The following DLG2 variants were observed in gnomAD, a reference collection of about 807,000 sequenced individuals.
DLG2 encodes discs large MAGUK scaffold protein 2.
Under a neutral mutation model 132.5 loss-of-function variants are expected in DLG2, and 45 were observed. That is an observed-to-expected ratio of 0.34 (90% CI 0.27 to 0.44). DLG2 has a LOEUF of 0.44. Among genes scored for constraint, DLG2 ranks in the 20% least tolerant of loss-of-function variants. DLG2 has a pLI of 1.00. For synonymous variants in DLG2, 424 were observed against 419.6 expected (o/e 1.01, Z -0.13); for missense variants, 1,045 against 1,196.9 (o/e 0.87, Z 1.87).
At chr11:85,224,719 T>G (rs1287218961) in intron 4 of DLG2, among the ~76,000 whole-genome samples, 1 of 152,186 alleles carries the variant, frequency 6.6e-6, no homozygotes, top group Non-Finnish European at 1.5e-5. Context: ...ATTTCTTTTA[T>G]GATTAGGAAA....
At chr11:83,722,791 C>G (rs186492088) in intron 18 of DLG2, among the ~76,000 whole-genome samples, 1 of 152,230 alleles carries the variant, frequency 6.6e-6, no homozygotes, top group East Asian at 1.9e-4. Context: ...GTCCCCAGAG[C>G]CACAGAAATG....
rs572966892 is a variant in DLG2, at chr11:83,708,203, A to G, written c.1826-74878T>C. On this transcript the variant is annotated intron_variant, in intron 18 of 27. Coordinates refer to ENST00000376104, the MANE Select transcript of DLG2 (RefSeq NM_001142699.3). ...GAAGTTCCTAAACTAGATCTGAAACATTTAGAATGTTCACAGTGGCACATA... is the reference window on the plus strand; with the variant it reads ...GAAGTTCCTAAACTAGATCTGAAACGTTTAGAATGTTCACAGTGGCACATA... Among the ~76,000 whole-genome samples, 109 of 152,340 alleles carry G rather than the reference A, an allele frequency of 7.2e-4. 1 individual carries two copies. Among genetic ancestry groups the G allele is most frequent in the African/African-American group, 2.5e-3 (103 of 41,592 alleles).
At chr11:85,072,802 G>A (rs984266470) in intron 6 of DLG2, among the ~76,000 whole-genome samples, 2 of 151,716 alleles carry the variant, frequency 1.3e-5, no homozygotes, top group Non-Finnish European at 2.9e-5. Flanking sequence ...GCAACATATC[G>A]GTAAATGCCA....
intron 11 of DLG2, among the ~76,000 whole-genome samples, chr11:84,006,352 G>A (rs1183109185): frequency 6.6e-6 from 1 of 151,540 alleles, no homozygotes; most frequent in African/African-American, 2.4e-5. Flanking sequence ...TAGATGAAAC[G>A]TATAAGTTCT....
intron 22 of DLG2, among the ~76,000 whole-genome samples, chr11:83,476,852 T>C (rs192976542): frequency 4.5e-4 from 68 of 152,226 alleles, no homozygotes; most frequent in Non-Finnish European, 8.5e-4. Context: ...ATAAATAGTT[T>C]TGTTGCAGAA....
chr11:84,906,415 G>C (rs56925179), intron 6 of DLG2, among the ~76,000 whole-genome samples: 8,895 of 143,902 alleles, frequency 0.062, 281 homozygotes, highest in South Asian at 0.087. Context: ...CACACACACA[G>C]AGAGCCAAGG....
chr11:84,971,998 C>A (rs2054162168), intron 6 of DLG2, among the ~76,000 whole-genome samples: 1 of 152,020 alleles, frequency 6.6e-6, no homozygotes, highest in South Asian at 2.1e-4. Flanking sequence ...AAAAATAAAC[C>A]TATGTTTAAG....
At chr11:84,385,051 G>T (rs190751658) in intron 7 of DLG2, among the ~76,000 whole-genome samples, 88 of 152,156 alleles carry the variant, frequency 5.8e-4, no homozygotes, top group Admixed American at 1.3e-3. Flanking sequence ...AAAACTCTTT[G>T]TTGGCATAAC....
intron 19 of DLG2, among the ~76,000 whole-genome samples, chr11:83,558,848 C>CGTGTGTGTTTGTGTGT (rs2096563531): frequency 7.0e-6 from 1 of 142,250 alleles, no homozygotes; most frequent in African/African-American, 2.6e-5. Context: ...TGCTAGATGT[C>CGTGTGTGTTTGTGTGT]GTGTGTGTGT....
At chr11:83,762,759 T>G (rs924628305) in intron 18 of DLG2, among the ~76,000 whole-genome samples, 1 of 152,144 alleles carries the variant, frequency 6.6e-6, no homozygotes, top group Non-Finnish European at 1.5e-5. Context: ...TTTTTTGTAT[T>G]TTTAGTAGAG....
At chr11:85,243,320 T>C (rs1048065455) in intron 4 of DLG2, among the ~76,000 whole-genome samples, 12 of 152,014 alleles carry the variant, frequency 7.9e-5, no homozygotes, top group African/African-American at 2.9e-4. Context: ...CCACTGTGAC[T>C]AGACATTGAG....
intron 3 of DLG2, among the ~76,000 whole-genome samples, chr11:85,467,177 T>A (rs2092819280): frequency 6.6e-6 from 1 of 152,216 alleles, no homozygotes; most frequent in Non-Finnish European, 1.5e-5. Flanking sequence ...GAGACTTTGC[T>A]GAAGTTGCCT....
chr11:84,927,822 CA>C, intron 6 of DLG2, among the ~76,000 whole-genome samples: 1 of 152,024 alleles, frequency 6.6e-6, no homozygotes, highest in Non-Finnish European at 1.5e-5. Context: ...CAGTGGTACT[CA>C]AAGTGCAGTC....
chr11:84,338,113 T>C (rs954116831), intron 7 of DLG2, among the ~76,000 whole-genome samples: 1 of 152,264 alleles, frequency 6.6e-6, no homozygotes, highest in African/African-American at 2.4e-5. Context: ...ATTTATTTGT[T>C]AATTCACAAA....
At chr11:83,785,647 T>G (rs1223719453) in intron 18 of DLG2, among the ~76,000 whole-genome samples, 1 of 152,256 alleles carries the variant, frequency 6.6e-6, no homozygotes, top group Admixed American at 6.5e-5. Context: ...AGAAAATATT[T>G]TCTTTATTCA....
intron 6 of DLG2, among the ~76,000 whole-genome samples, chr11:85,110,847 TGAG>T (rs2072612599): frequency 1.3e-5 from 2 of 152,118 alleles, no homozygotes; most frequent in African/African-American, 4.8e-5. Context: ...GGGAGTCAAA[TGAG>T]GAGAATTTCC....
At chr11:85,399,950 G>A (rs1017996238) in intron 3 of DLG2, among the ~76,000 whole-genome samples, 4 of 152,072 alleles carry the variant, frequency 2.6e-5, no homozygotes, top group African/African-American at 9.7e-5. Context: ...TTAAACTCAA[G>A]AGCTTCTGCA....
intron 7 of DLG2, among the ~76,000 whole-genome samples, chr11:84,502,215 C>T (rs1299951251): frequency 0.069 from 159 of 2,314 alleles, 6 homozygotes; most frequent in Middle Eastern, 0.25. Context: ...TCCTTCCTTC[C>T]TTCCTTCCTT....
In DLG2 at chr11:85,395,636, C is replaced by G. The variant is rs182966433; in HGVS notation, c.41-110271G>C. ...CCTGACTCAGTGGGTCCCCTGCCCA[C>G]AGAGACTTGCTCACTGCTAGCACAG... On this transcript the variant is annotated intron_variant, in intron 3 of 27. Coordinates refer to ENST00000376104, the MANE Select transcript of DLG2 (RefSeq NM_001142699.3). 4.4e-3 allele frequency among the ~76,000 whole-genome samples: 675 copies of G among 152,318 alleles called. 5 individuals are homozygous for G. The highest frequency in any genetic ancestry group is 4.9e-3 in the Non-Finnish European group (336 of 68,014).
Sources: gnomAD v4.1 joint callset for allele counts (sites outside exome capture counted in the v4.1 genomes callset) on GRCh38, gnomAD v4.1.1 for gene constraint, MANE v1.5 for transcripts, NCBI Gene and HGNC (gene_info 2026-07-23, HGNC 2026-07-21) for gene names.